Variants in RAD51B observed in about 807,000 individuals in gnomAD.
The protein encoded by RAD51B is RAD51 paralog B, also known as DNA repair protein RAD51 homolog 2.
In RAD51B, 38 loss-of-function variants were observed where a neutral mutation model predicts 42.2. The observed-to-expected ratio is 0.90, with a 90% CI of 0.70 to 1.18. RAD51B has a LOEUF of 1.18. Ranked by LOEUF, RAD51B falls within the 50% of genes most tolerant of loss-of-function variation. The pLI, the probability that RAD51B is intolerant of heterozygous loss-of-function variation, is 0.00. For missense variants in RAD51B, 373 were observed against 400.7 expected (o/e 0.93, Z 0.59); for synonymous variants, 154 against 145.2 (o/e 1.06, Z -0.43).
chr14:68,360,925 G>C (rs1265311776), intron 8 of RAD51B, among the ~76,000 whole-genome samples: 2 of 152,188 alleles, frequency 1.3e-5, no homozygotes, highest in Admixed American at 6.5e-5. Flanking sequence ...TGTCTGTTCA[G>C]ATTCTTCTTG....
At chr14:68,394,520 A>C (rs2083856363) in intron 8 of RAD51B, among the ~76,000 whole-genome samples, 1 of 152,142 alleles carries the variant, frequency 6.6e-6, no homozygotes, top group Non-Finnish European at 1.5e-5. Context: ...TTCTCAGCAA[A>C]TCACTTCTCT....
chr14:68,075,993 G>A (rs572020929), intron 7 of RAD51B, among the ~76,000 whole-genome samples: 2 of 152,356 alleles, frequency 1.3e-5, no homozygotes, highest in South Asian at 2.1e-4. Flanking sequence ...AGGCCAGGCC[G>A]AGAGGCCCTG....
At chr14:68,422,003 C>T in intron 9 of RAD51B, 1 of 1,525,898 alleles carries the variant, frequency 6.6e-7, no homozygotes, top group Admixed American at 1.7e-5. Flanking sequence ...TTCACAGTCA[C>T]CACCCTGACA....
At chr14:68,066,901 G>C (rs1318546344) in intron 7 of RAD51B, among the ~76,000 whole-genome samples, 1 of 152,150 alleles carries the variant, frequency 6.6e-6, no homozygotes, top group African/African-American at 2.4e-5. Flanking sequence ...GATGTGAAAT[G>C]ACATTCAAAA....
intron 4 of RAD51B, among the ~76,000 whole-genome samples, chr14:67,849,011 G>T (rs1261414612): frequency 6.6e-6 from 1 of 152,110 alleles, no homozygotes; most frequent in Non-Finnish European, 1.5e-5. Context: ...CTTCCTTCAA[G>T]ACTTTTTTCT....
intron 5 of RAD51B, among the ~76,000 whole-genome samples, chr14:67,866,102 A>T (rs2042329620): frequency 6.6e-6 from 1 of 152,226 alleles, no homozygotes; most frequent in Non-Finnish European, 1.5e-5. Context: ...CAGAATCCAA[A>T]CTGTGGGAAA....
intron 7 of RAD51B, among the ~76,000 whole-genome samples, chr14:68,268,415 G>C (rs2081036242): frequency 6.6e-6 from 1 of 152,194 alleles, no homozygotes; most frequent in South Asian, 2.1e-4. Context: ...TGAAACTGGT[G>C]GTGGGTTGGA....
At chr14:68,541,156 G>C (rs1887943701) in intron 10 of RAD51B, 1 of 985,312 alleles carries the variant, frequency 1.0e-6, no homozygotes, top group South Asian at 4.7e-5. Context: ...GTGCCTTCCT[G>C]GGACTGCCCA....
chr14:68,441,025 T>C (rs2085273420), intron 9 of RAD51B, among the ~76,000 whole-genome samples: 1 of 152,218 alleles, frequency 6.6e-6, no homozygotes, highest in East Asian at 1.9e-4. Flanking sequence ...GTCAGATATA[T>C]GTTTTATATG....
At chr14:68,136,387 G>A (rs61987545) in intron 7 of RAD51B, among the ~76,000 whole-genome samples, 57,326 of 95,152 alleles carry the variant, frequency 0.6, 20,491 homozygotes, top group East Asian at 0.85. Context: ...AGACCATCCT[G>A]TCCAACATGG....
intron 7 of RAD51B, among the ~76,000 whole-genome samples, chr14:67,944,500 A>G (rs2045322309): frequency 6.6e-6 from 1 of 152,138 alleles, no homozygotes; most frequent in Non-Finnish European, 1.5e-5. Flanking sequence ...TATGACTATA[A>G]TGTCATATTT....
intron 7 of RAD51B, among the ~76,000 whole-genome samples, chr14:67,948,552 CA>C (rs1178995806): frequency 6.6e-6 from 1 of 152,094 alleles, no homozygotes; most frequent in Non-Finnish European, 1.5e-5. Context: ...GTGAGTGATA[CA>C]TTTTTTTTGG....
At chr14:67,843,345 G>A (rs1380726649) in intron 4 of RAD51B, 2 of 144,654 alleles carry the variant, frequency 1.4e-5, no homozygotes, top group Non-Finnish European at 3.0e-5. Context: ...CCAGATTTTG[G>A]TGTCAGGCTG....
intron 7 of RAD51B, among the ~76,000 whole-genome samples, chr14:67,891,396 T>G (rs923605641): frequency 1.3e-5 from 2 of 152,186 alleles, no homozygotes; most frequent in African/African-American, 4.8e-5. Flanking sequence ...TTGCTCTAAT[T>G]TATTGCTTAT....
chr14:68,516,969 T>C (rs551433601), intron 10 of RAD51B, among the ~76,000 whole-genome samples: 2 of 152,374 alleles, frequency 1.3e-5, no homozygotes, highest in South Asian at 4.1e-4. Flanking sequence ...TACTGTTAAT[T>C]ATTGTCTTTC....
At chr14:68,051,695 CT>C (rs2076396208) in intron 7 of RAD51B, among the ~76,000 whole-genome samples, 1 of 151,712 alleles carries the variant, frequency 6.6e-6, no homozygotes, top group Non-Finnish European at 1.5e-5. Flanking sequence ...GACTCCTGGG[CT>C]GAAGCAATCC....
intron 7 of RAD51B, among the ~76,000 whole-genome samples, chr14:67,922,056 T>A (rs1178245935): frequency 6.6e-6 from 1 of 152,232 alleles, no homozygotes; most frequent in Non-Finnish European, 1.5e-5. Context: ...TCAGCAAGCG[T>A]CCAGCTTTGG....
At chr14:68,093,984 G>T (rs575388289) in intron 7 of RAD51B, among the ~76,000 whole-genome samples, 1 of 152,278 alleles carries the variant, frequency 6.6e-6, no homozygotes, top group Non-Finnish European at 1.5e-5. Context: ...GAACACTCCT[G>T]CTGCCCTACT....
At chr14:67,864,111 T>C (rs1354436195) in intron 4 of RAD51B, among the ~76,000 whole-genome samples, 3 of 152,166 alleles carry the variant, frequency 2.0e-5, no homozygotes, top group Non-Finnish European at 2.9e-5. Context: ...GAGAACTCAC[T>C]ATCATGAGAA....
Sources: gnomAD v4.1 joint callset for allele counts (sites outside exome capture counted in the v4.1 genomes callset) on GRCh38, gnomAD v4.1.1 for gene constraint, MANE v1.5 for transcripts, NCBI Gene and HGNC (gene_info 2026-07-23, HGNC 2026-07-21) for gene names.